Variants in ADAMTSL1 observed in about 807,000 individuals in gnomAD.
ADAMTSL1 encodes the protein ADAMTS like 1.
Under a neutral mutation model 201.8 loss-of-function variants are expected in ADAMTSL1, and 126 were observed. That is an observed-to-expected ratio of 0.62 (90% CI 0.54 to 0.72). The LOEUF is 0.72. Ranked by LOEUF, ADAMTSL1 falls within the 30% of genes least tolerant of loss-of-function variation. The pLI is 0.00. For missense variants in ADAMTSL1, 2,679 were observed against 2,277.8 expected, an observed-to-expected ratio of 1.18 and a Z score of -3.59; for synonymous variants, 1,121 against 903.4, an observed-to-expected ratio of 1.24 and a Z score of -4.32.
At chr9:18,728,883 A>G (rs777748674) in intron 15 of ADAMTSL1, among the ~76,000 whole-genome samples, 4 of 152,212 alleles carry the variant, frequency 2.6e-5, no homozygotes, top group African/African-American at 9.6e-5. Flanking sequence ...ATTGAAGGAT[A>G]TTAGCCAGGG....
chr9:18,805,694 C>T (rs765033660), intron 20 of ADAMTSL1, among the ~76,000 whole-genome samples: 15 of 152,294 alleles, frequency 9.8e-5, no homozygotes, highest in Non-Finnish European at 1.8e-4. Flanking sequence ...CCCCTGCCCC[C>T]TGCAGGCATC....
chr9:17,942,480 C>T (rs960215427), intron 1 of ADAMTSL1, among the ~76,000 whole-genome samples: 2 of 152,120 alleles, frequency 1.3e-5, no homozygotes, highest in African/African-American at 4.8e-5. Flanking sequence ...CTTCTAAGTT[C>T]CCCATTAAAT....
At chr9:18,698,353 G>C (rs1030120448) in intron 13 of ADAMTSL1, among the ~76,000 whole-genome samples, 11 of 151,862 alleles carry the variant, frequency 7.2e-5, no homozygotes, top group Non-Finnish European at 1.5e-4. Context: ...TGATGATCTC[G>C]GCTCACTGCA....
chr9:18,485,509 C>A (rs1179649186), intron 1 of ADAMTSL1, among the ~76,000 whole-genome samples: 1 of 152,124 alleles, frequency 6.6e-6, no homozygotes, highest in Non-Finnish European at 1.5e-5. Context: ...CGAGGCAGAG[C>A]AGAGGATATG....
At chr9:17,957,503 A>G (rs1827976713) in intron 1 of ADAMTSL1, among the ~76,000 whole-genome samples, 1 of 152,126 alleles carries the variant, frequency 6.6e-6, no homozygotes, top group East Asian at 1.9e-4. Context: ...CTACTGCTTC[A>G]GCTGCTGTTC....
At chr9:18,582,888 A>G (rs534285213) in intron 4 of ADAMTSL1, among the ~76,000 whole-genome samples, 1 of 150,318 alleles carries the variant, frequency 6.7e-6, no homozygotes, top group Non-Finnish European at 1.5e-5. Context: ...AAAATAAAAT[A>G]AAAATAAAAT....
intron 19 of ADAMTSL1, among the ~76,000 whole-genome samples, chr9:18,790,963 A>G (rs1435772579): frequency 6.6e-6 from 1 of 152,172 alleles, no homozygotes; most frequent in East Asian, 1.9e-4. Flanking sequence ...ATTCCAAAAC[A>G]GCTCCAAAGG....
intron 20 of ADAMTSL1, among the ~76,000 whole-genome samples, chr9:18,800,799 G>A (rs374111257): frequency 2.3e-4 from 35 of 152,286 alleles, no homozygotes; most frequent in African/African-American, 2.4e-4. Flanking sequence ...TAGAGAGGCC[G>A]CAGCATCACG....
chr9:18,374,089 T>C (rs1031843954), intron 2 of ADAMTSL1, among the ~76,000 whole-genome samples: 1 of 152,152 alleles, frequency 6.6e-6, no homozygotes, highest in African/African-American at 2.4e-5. Flanking sequence ...TCTGACTTAA[T>C]TGGACTTGTG....
intron 7 of ADAMTSL1, among the ~76,000 whole-genome samples, chr9:18,642,731 G>C (rs911704132): frequency 6.6e-6 from 1 of 151,822 alleles, no homozygotes; most frequent in African/African-American, 2.4e-5. Context: ...ATGTTCTCCA[G>C]GTTCATCCAC....
intron 2 of ADAMTSL1, among the ~76,000 whole-genome samples, chr9:18,204,804 A>G (rs1829586079): frequency 6.6e-6 from 1 of 152,086 alleles, no homozygotes; most frequent in South Asian, 2.1e-4. Flanking sequence ...GCCCTGGGCA[A>G]TAACTGTAAT....
At chr9:18,030,577 T>G (rs939881031) in intron 1 of ADAMTSL1, among the ~76,000 whole-genome samples, 7 of 152,038 alleles carry the variant, frequency 4.6e-5, no homozygotes, top group Admixed American at 3.3e-4. Context: ...AAAAAATATT[T>G]TTCTTTTGTG....
At chr9:18,694,327 A>G (rs964135334) in intron 13 of ADAMTSL1, among the ~76,000 whole-genome samples, 2 of 152,140 alleles carry the variant, frequency 1.3e-5, no homozygotes, top group East Asian at 3.9e-4. Flanking sequence ...CTTCTCAACA[A>G]TCTCCCAATT....
Position 18,716,986 on chromosome 9 carries a change from G to C in ADAMTSL1, c.1877-4550G>C. ...CATCATTCTCAGTAAACTATCGCAA[G>C]AACAAAAAACCAAACCGCATATTCT... is the stretch of plus-strand genomic sequence containing the variant. On this transcript the variant is annotated intron_variant, in intron 14 of 28. Transcript: ENST00000380548. Among the ~76,000 whole-genome samples the C allele has an allele frequency of 1.5e-5, 2 of 129,536 alleles. 1 individual carries two copies. Among genetic ancestry groups the C allele is most frequent in the Non-Finnish European group, 3.4e-5 (2 of 58,162 alleles). 85.0% of individuals were successfully genotyped at this position (129,536 alleles called of 152,430 possible).
At chr9:18,257,014 A>G (rs928596019) in intron 2 of ADAMTSL1, among the ~76,000 whole-genome samples, 2 of 152,234 alleles carry the variant, frequency 1.3e-5, no homozygotes, top group Non-Finnish European at 2.9e-5. Context: ...TTGTTCATTA[A>G]AAATAATTTC....
At chr9:18,733,238 A>G (rs1238834008) in intron 15 of ADAMTSL1, among the ~76,000 whole-genome samples, 2 of 152,222 alleles carry the variant, frequency 1.3e-5, no homozygotes, top group African/African-American at 4.8e-5. Flanking sequence ...ACAAGTTAAC[A>G]AGGTCTGCTT....
rs550125084 is a variant in ADAMTSL1 at position 18,432,140 on chromosome 9, T to C, written c.208-72689T>C. 9.2e-5 allele frequency among the ~76,000 whole-genome samples: 14 copies of C among 152,348 alleles called. No homozygotes were observed. In the South Asian group the frequency reaches 2.9e-3, roughly 32 times the overall value. ...TGTTCTGGTTGAAAAGAATTTTTTT[T>C]TAGCTACTCATCTCAGTTGTGTGCC... On this transcript the variant is annotated intron_variant, in intron 2 of 29. Transcript: ENST00000680146.
chr9:18,206,149 T>C (rs1490532692), intron 2 of ADAMTSL1, among the ~76,000 whole-genome samples: 1 of 151,750 alleles, frequency 6.6e-6, no homozygotes, highest in African/African-American at 2.4e-5. Context: ...TATCTTATTT[T>C]TCAATATGGA....
intron 11 of ADAMTSL1, 57 bp downstream of exon 11, chr9:18,680,573 T>A: frequency 6.3e-7 from 1 of 1,584,910 alleles, no homozygotes; most frequent in Admixed American, 1.7e-5. Context: ...TTCCCTCTCA[T>A]CATCATGGCC....
Sources: allele counts gnomAD v4.1 joint callset (sites outside exome capture counted in the v4.1 genomes callset), GRCh38; gene constraint gnomAD v4.1.1; transcripts MANE v1.5; gene names NCBI Gene and HGNC (gene_info 2026-07-23, HGNC 2026-07-21).